Variants in TRIOBP observed in about 807,000 individuals in gnomAD.
The protein encoded by TRIOBP is TRIO and F-actin binding protein, also known as TRIO and F-actin-binding protein.
In TRIOBP, 169 loss-of-function variants were observed where a neutral mutation model predicts 238.8. That is an observed-to-expected ratio of 0.71 (90% confidence interval 0.62 to 0.80). TRIOBP has a LOEUF of 0.80. Ranked by LOEUF, TRIOBP falls within the 30% of genes least tolerant of loss-of-function variation. The pLI is 0.00. For missense variants in TRIOBP, 2,838 were observed against 3,122.6 expected, an observed-to-expected ratio of 0.91 and a Z score of 2.17; for synonymous variants, 1,150 against 1,274.4, an observed-to-expected ratio of 0.90 and a Z score of 2.08.
chr22:37,753,067 C>A (rs966272037), intron 12 of TRIOBP, among the ~76,000 whole-genome samples: 6 of 152,202 alleles, frequency 3.9e-5, no homozygotes, highest in African/African-American at 1.4e-4. Flanking sequence ...TCCTACTTTA[C>A]AGAGAGGCAA....
chr22:37,723,109 A>T, intron 6 of TRIOBP, 76 bp from the exon 7 acceptor site: 1 of 1,505,546 alleles, frequency 6.6e-7, no homozygotes. Context: ...ACTGGTCCTA[A>T]GGGACAAAGA....
rs1171952120 is a variant in TRIOBP at position 37,734,381 on chromosome 22, C to T, written c.4063-18C>T. ...CCCCAGAGAGAGAGCCTCACCTACCCCCTCACCTCATCCCCAGGTGACCAT... is the reference window on the plus strand; with the variant it reads ...CCCCAGAGAGAGAGCCTCACCTACCTCCTCACCTCATCCCCAGGTGACCAT... On this transcript the variant is annotated intron_variant, in intron 8 of 23. Coordinates refer to ENST00000644935, the MANE Select transcript of TRIOBP (RefSeq NM_001039141.3). The T allele has an allele frequency of 6.2e-7, 1 of 1,609,870 alleles. No homozygotes were observed. Among genetic ancestry groups the T allele is most frequent in the Non-Finnish European group, 8.5e-7 (1 of 1,177,692 alleles).
intron 6 of TRIOBP, among the ~76,000 whole-genome samples, chr22:37,717,913 G>A (rs555788408): frequency 6.6e-6 from 1 of 152,326 alleles, no homozygotes; most frequent in Admixed American, 6.5e-5. Context: ...GGGGAGGCTC[G>A]GGCTGCACAG....
rs1239611855 is a variant in TRIOBP at position 37,734,880 on chromosome 22, C to T, written c.4544C>T (p.Pro1515Leu). 3 of 1,613,040 alleles carry T rather than the reference C, an allele frequency of 1.9e-6. No homozygotes were observed. The highest frequency in any genetic ancestry group is 1.7e-6 in the Non-Finnish European group (2 of 1,180,010). Residue 1515 changes from proline (P) to leucine (L), a missense_variant, in exon 9 of 24, where the codon CCC (proline) becomes CTC (leucine). Pro to Leu is a moderately conservative substitution (Grantham distance 98). This residue lies in a region of TRIOBP where 2,096 missense variants were observed against 2,137.4 expected (regional missense o/e 0.98). Transcript: ENST00000644935. ...ELGKRSPLTS[P>L]PENWGGPAES... ...GGAAAGAGAAGCCCACTCACGAGCCCCCCTGAGAACTGGGGAGGCCCCGCA... is the reference window on the plus strand; with the variant it reads ...GGAAAGAGAAGCCCACTCACGAGCCTCCCTGAGAACTGGGGAGGCCCCGCA...
chr22:37,714,549 A>G (rs1183903658), intron 5 of TRIOBP, among the ~76,000 whole-genome samples: 1 of 152,096 alleles, frequency 6.6e-6, no homozygotes, highest in Non-Finnish European at 1.5e-5. Flanking sequence ...GGCACCTGTA[A>G]TCCCAGCTAC....
At chr22:37,765,937 G>A (rs1257162489) in intron 18 of TRIOBP, 120 bp downstream of exon 18, 1 of 1,327,906 alleles carries the variant, frequency 7.5e-7, no homozygotes, top group East Asian at 2.5e-5. Context: ...GCCACATTTG[G>A]GGTAAAGGGT....
intron 11 of TRIOBP, among the ~76,000 whole-genome samples, chr22:37,744,640 C>T (rs1925126919): frequency 6.6e-6 from 1 of 152,072 alleles, no homozygotes; most frequent in African/African-American, 2.4e-5. Context: ...AGGTCTCCTG[C>T]GTGTTCATTC....
chr22:37,742,036 C>T (rs1363842272), intron 11 of TRIOBP, among the ~76,000 whole-genome samples: 2 of 152,212 alleles, frequency 1.3e-5, no homozygotes, highest in Non-Finnish European at 2.9e-5. Flanking sequence ...CTACTCACTG[C>T]AACCTCTGCC....
At chr22:37,766,365 G>A (rs1926494111) in intron 18 of TRIOBP, among the ~76,000 whole-genome samples, 1 of 152,274 alleles carries the variant, frequency 6.6e-6, no homozygotes, top group South Asian at 2.1e-4. Flanking sequence ...ATCACTAGGG[G>A]TTTGCAGAAC....
intron 21 of TRIOBP, among the ~76,000 whole-genome samples, chr22:37,770,831 C>T (rs1472126532): frequency 2.0e-5 from 3 of 151,960 alleles, no homozygotes; most frequent in Non-Finnish European, 2.9e-5. Context: ...TACAGGCACC[C>T]GCCACCACAC....
chr22:37,743,899 A>G (rs1354163633), intron 11 of TRIOBP, among the ~76,000 whole-genome samples: 1 of 149,574 alleles, frequency 6.7e-6, no homozygotes, highest in East Asian at 1.9e-4. Flanking sequence ...GCTGGGGTAC[A>G]GAAGACAGGA....
chr22:37,710,080 A>G (rs1285230426), intron 3 of TRIOBP, among the ~76,000 whole-genome samples: 1 of 152,222 alleles, frequency 6.6e-6, no homozygotes, highest in Non-Finnish European at 1.5e-5. Flanking sequence ...ACTCATGCAA[A>G]CGTACAGATC....
chr22:37,770,306 C>T (rs1218017102), intron 21 of TRIOBP, among the ~76,000 whole-genome samples: 3 of 148,734 alleles, frequency 2.0e-5, no homozygotes, highest in Admixed American at 6.7e-5. Flanking sequence ...GGCGTGGTGG[C>T]GGGCGCGGTG....
intron 18 of TRIOBP, among the ~76,000 whole-genome samples, chr22:37,766,060 ACT>A (rs372745686): frequency 1.9e-4 from 29 of 152,082 alleles, no homozygotes; most frequent in African/African-American, 6.5e-4. Flanking sequence ...ATAGGTGGTG[ACT>A]CTTCCTGCTC....
rs1242017213 is a variant in TRIOBP, at chr22:37,774,431, G to A, written c.*651G>A. 6.6e-6 allele frequency: 1 copy of A among 152,284 alleles called. No homozygotes were observed. Among genetic ancestry groups the A allele is most frequent in the East Asian group, 1.9e-4 (1 of 5,194 alleles). 9.4% of individuals were successfully genotyped at this position (152,284 alleles called of 1,614,324 possible). A position where few individuals can be genotyped will look rare whatever the true frequency, so the allele number is the denominator to read the frequency against. The stretch of plus-strand genomic sequence containing the variant: ...AGCCTCCTTCGAGGCTGTGCTGGGT[G>A]CAGAACCGCCAGAGCCACCCAAAAG... On this transcript the variant is annotated 3_prime_UTR_variant, in exon 24 of 24. Coordinates refer to ENST00000644935, the MANE Select transcript of TRIOBP (RefSeq NM_001039141.3).
Position 37,723,254 on chromosome 22 carries a change from T to G in TRIOBP, c.698T>G (p.Leu233Arg). 1 of 1,614,058 alleles carries G rather than the reference T, an allele frequency of 6.2e-7. No individual in the cohort carries two copies. Among genetic ancestry groups the G allele is most frequent in the Non-Finnish European group, 8.5e-7 (1 of 1,179,964 alleles). The stretch of plus-strand genomic sequence containing the variant: ...CTCCGGGGAGAAAGCGGGTTGTCCC[T>G]GGAGCGGCACCGGTCAACACTGACC... ...ARLRGESGLS[L>R]ERHRSTLTQA... Residue 233 changes from leucine to arginine, a missense_variant, in exon 7 of 24, where the codon CTG (leucine) becomes CGG (arginine). Transcript: ENST00000644935.
chr22:37,744,019 T>C (rs1389709522), intron 11 of TRIOBP, among the ~76,000 whole-genome samples: 1 of 148,384 alleles, frequency 6.7e-6, no homozygotes, highest in African/African-American at 2.5e-5. Context: ...TTTTTTTTTT[T>C]CTGAGATGGA....
intron 18 of TRIOBP, among the ~76,000 whole-genome samples, chr22:37,766,958 CAAA>C (rs1216149396): frequency 9.8e-6 from 1 of 101,650 alleles, no homozygotes; most frequent in Admixed American, 1.1e-4. Flanking sequence ...AAGACTCCAT[CAAA>C]AAAAAAAAAG....
chr22:37,740,627 C>G (rs1054138530), intron 10 of TRIOBP, among the ~76,000 whole-genome samples: 1 of 152,352 alleles, frequency 6.6e-6, no homozygotes, highest in East Asian at 1.9e-4. Context: ...GTGGTCTGCA[C>G]CCCCTCCAGC....
Sources: gnomAD v4.1 joint callset for allele counts (sites outside exome capture counted in the v4.1 genomes callset) on GRCh38, gnomAD v4.1.1 for gene constraint, gnomAD v4.1.1 regional missense constraint, MANE v1.5 for transcripts, NCBI Gene and HGNC (gene_info 2026-07-23, HGNC 2026-07-21) for gene names.